The following ZNF148 variants were observed in gnomAD, a reference collection of about 807,000 sequenced individuals.
ZNF148 encodes Beta-Enolase Repressor Factor-1.
ZNF148 carries 7 observed loss-of-function variants against 67.7 expected under a neutral mutation model. That is an observed-to-expected ratio of 0.10 (90% CI 0.06 to 0.19). The LOEUF (loss-of-function observed/expected upper bound fraction) is 0.19. Among genes scored for constraint, ZNF148 ranks in the 10% least tolerant of loss-of-function variants. The probability of loss-of-function intolerance (pLI) is 1.00; values close to 1 mark genes in which losing one functional copy is unlikely to be tolerated. For synonymous variants in ZNF148, 333 were observed against 330.7 expected (o/e 1.01, Z -0.08); for missense variants, 583 against 947.1 (o/e 0.62, Z 5.05).
At chr3:125,333,279 A>G (rs1267698914) in intron 1 of ZNF148, among the ~76,000 whole-genome samples, 1 of 152,214 alleles carries the variant, frequency 6.6e-6, no homozygotes, top group Non-Finnish European at 1.5e-5. Context: ...AACAAAAATA[A>G]AATAGTGAAG....
chr3:125,279,566 T>G (rs975900765), intron 5 of ZNF148, among the ~76,000 whole-genome samples: 2 of 152,116 alleles, frequency 1.3e-5, no homozygotes, highest in African/African-American at 2.4e-5. Context: ...CAGGTATATT[T>G]TCAATTTCAA....
intron 1 of ZNF148, among the ~76,000 whole-genome samples, chr3:125,333,126 G>A (rs748888579): frequency 3.9e-4 from 60 of 152,158 alleles, no homozygotes; most frequent in Middle Eastern, 6.8e-3. Context: ...TCTATAGACT[G>A]GACAAATGTT....
chr3:125,369,938 G>A lies in ZNF148; in HGVS notation c.-234+5164C>T, dbSNP rs369842075. Among the ~76,000 whole-genome samples, 8 of 150,954 alleles carry A rather than the reference G, an allele frequency of 5.3e-5. No homozygotes were observed. The East Asian group carries it at 5.8e-4, about 11-fold the overall frequency. On this transcript the variant is annotated intron_variant, in intron 1 of 8. Coordinates refer to ENST00000360647, the MANE Select transcript of ZNF148 (RefSeq NM_021964.3). The stretch of plus-strand genomic sequence containing the variant: ...TTGAACCCAGCAGTGAGCTGAGATC[G>A]CACCACTGCTCCCCAGCCTGGGCAA...
intron 4 of ZNF148, among the ~76,000 whole-genome samples, chr3:125,300,756 G>A (rs1359816147): frequency 6.7e-6 from 1 of 150,208 alleles, no homozygotes; most frequent in African/African-American, 2.5e-5. Context: ...TCACTCAAGT[G>A]ATACAAAGCA....
In ZNF148 at chr3:125,313,513, T is replaced by C. The variant is rs769170309; in HGVS notation, c.128A>G (p.Gln43Arg). The C allele has an allele frequency of 8.9e-5, 143 of 1,614,198 alleles. No homozygotes were observed. Among genetic ancestry groups the C allele is most frequent in the Non-Finnish European group, 1.2e-4 (139 of 1,180,018 alleles). ...ACTTCGATCTTGAAGTACTGAATCCTGTAGCTCTCCAGACACAGTAGACTG... is the reference window on the plus strand; with the variant it reads ...ACTTCGATCTTGAAGTACTGAATCCCGTAGCTCTCCAGACACAGTAGACTG... ...SGQSTVSGEL[Q>R]DSVLQDRSMP... The change falls in exon 4 of 9, where the codon CAG becomes CGG. Residue 43 changes from glutamine to arginine, a missense_variant. Transcript: ENST00000360647.
In ZNF148 at chr3:125,372,423, G is replaced by A. The variant is rs142761095; in HGVS notation, c.-234+2679C>T. ...TAAAATAACTAAAATAAATATCAAA[G>A]GTCAGAAAGGAGGAGAAAGGGGATA... On this transcript the variant is annotated intron_variant, in intron 1 of 8. Coordinates refer to ENST00000360647, the MANE Select transcript of ZNF148 (RefSeq NM_021964.3). 3.6e-3 allele frequency among the ~76,000 whole-genome samples: 542 copies of A among 152,180 alleles called. 6 individuals are homozygous for A. The highest frequency in any genetic ancestry group is 0.013 in the African/African-American group (523 of 41,512).
chr3:125,249,809 G>T (rs1469544398), intron 7 of ZNF148, among the ~76,000 whole-genome samples: 8 of 152,134 alleles, frequency 5.3e-5, no homozygotes. Flanking sequence ...AAGAAAATGT[G>T]GGGGGTGTGT....
intron 1 of ZNF148, among the ~76,000 whole-genome samples, chr3:125,355,727 A>G (rs76484981): frequency 1.1e-4 from 1 of 9,268 alleles, no homozygotes; most frequent in African/African-American, 1.3e-3. Context: ...GTCTCTATTT[A>G]AAAAAAAAAA....
chr3:125,341,994 CGG>C (rs11434686), intron 1 of ZNF148, among the ~76,000 whole-genome samples: 1 of 137,210 alleles, frequency 7.3e-6, no homozygotes, highest in African/African-American at 2.7e-5. Context: ...CACTCTGTTT[CGG>C]GGCGGGGGGG....
intron 7 of ZNF148, among the ~76,000 whole-genome samples, chr3:125,261,877 G>T (rs1937360024): frequency 7.0e-6 from 1 of 142,286 alleles, no homozygotes; most frequent in Non-Finnish European, 1.5e-5. Context: ...ATAATATTAA[G>T]CTTTGTAGAC....
intron 7 of ZNF148, among the ~76,000 whole-genome samples, chr3:125,256,125 A>G (rs1234520008): frequency 2.6e-5 from 4 of 151,822 alleles, no homozygotes; most frequent in Non-Finnish European, 5.9e-5. Flanking sequence ...GCACTTTGGG[A>G]GGCCGAGGCG....
chr3:125,235,700 C>G (rs766683564), intron 7 of ZNF148, among the ~76,000 whole-genome samples: 1 of 151,888 alleles, frequency 6.6e-6, no homozygotes, highest in Admixed American at 6.6e-5. Context: ...GGAACCAACC[C>G]AAATGTCCAA....
In ZNF148 at chr3:125,227,906, T is replaced by C. The variant is rs1439711258; in HGVS notation, c.*4435A>G. 2.0e-5 allele frequency: 3 copies of C among 152,626 alleles called. No individual in the cohort carries two copies. The highest frequency in any genetic ancestry group is 7.2e-5 in the African/African-American group (3 of 41,468). 9.5% of individuals were successfully genotyped at this position (152,626 alleles called of 1,614,324 possible). A position where few individuals can be genotyped will look rare whatever the true frequency, so the allele number is the denominator to read the frequency against. ...CGGTTTTATTTCTAAAGCAGTGATG[T>C]GTGTGTTCAAATAGCTGTCCTGTAC... On this transcript the variant is annotated 3_prime_UTR_variant, in exon 9 of 9. Coordinates refer to ENST00000360647, the MANE Select transcript of ZNF148 (RefSeq NM_021964.3).
intron 4 of ZNF148, among the ~76,000 whole-genome samples, chr3:125,290,495 C>G (rs1938950862): frequency 6.6e-6 from 1 of 152,048 alleles, no homozygotes; most frequent in Admixed American, 6.6e-5. Context: ...TAAAGTCTTA[C>G]TTTTATATTT....
chr3:125,336,711 T>C (rs1941511559), intron 1 of ZNF148, among the ~76,000 whole-genome samples: 1 of 133,826 alleles, frequency 7.5e-6, no homozygotes, highest in South Asian at 2.4e-4. Context: ...GTAGTCTTGC[T>C]CTGTCACCAG....
chr3:125,321,641 A>T (rs1016626329), intron 3 of ZNF148, among the ~76,000 whole-genome samples: 1 of 152,196 alleles, frequency 6.6e-6, no homozygotes, highest in Non-Finnish European at 1.5e-5. Flanking sequence ...TTTAAGAAAC[A>T]GCTATAATTT....
chr3:125,329,777 A>G lies in ZNF148; in HGVS notation c.-153+1381T>C, dbSNP rs561340108. On this transcript the variant is annotated intron_variant, in intron 2 of 8. Coordinates refer to ENST00000360647, the MANE Select transcript of ZNF148 (RefSeq NM_021964.3). Reference sequence around the variant, plus strand: ...TAGATGACTAATTAGACAAATTATGATATGTCCAAATATCAGAATACTATG... The same window carrying G: ...TAGATGACTAATTAGACAAATTATGGTATGTCCAAATATCAGAATACTATG... 2.6e-5 allele frequency among the ~76,000 whole-genome samples: 4 copies of G among 152,292 alleles called. No individual in the cohort carries two copies. The East Asian group carries it at 7.7e-4, about 29-fold the overall frequency.
At chr3:125,348,724 AT>A (rs1942037055) in intron 1 of ZNF148, among the ~76,000 whole-genome samples, 1 of 152,186 alleles carries the variant, frequency 6.6e-6, no homozygotes, top group Non-Finnish European at 1.5e-5. Flanking sequence ...CCCCAATGGC[AT>A]TTTTTACAGG....
chr3:125,373,067 T>C (rs771206350), intron 1 of ZNF148, among the ~76,000 whole-genome samples: 14 of 151,882 alleles, frequency 9.2e-5, no homozygotes, highest in Non-Finnish European at 1.8e-4. Flanking sequence ...ACAGATAATA[T>C]ACAGTGCTGG....
Sources: allele counts gnomAD v4.1 joint callset (sites outside exome capture counted in the v4.1 genomes callset), GRCh38; gene constraint gnomAD v4.1.1; transcripts MANE v1.5; gene names NCBI Gene and HGNC (gene_info 2026-07-23, HGNC 2026-07-21).